CNBD1: variants seen among roughly 807,000 people sequenced by gnomAD.
The protein encoded by CNBD1 is cyclic nucleotide binding domain containing 1.
Under a neutral mutation model 54.4 loss-of-function variants are expected in CNBD1, and 71 were observed. The ratio of observed to expected loss-of-function variants is 1.30; its 90% CI spans 1.08 to 1.59. The LOEUF is 1.59. Ranked by LOEUF, CNBD1 falls within the 40% of genes most tolerant of loss-of-function variation. CNBD1 has a pLI of 0.00. For missense variants in CNBD1, 659 were observed against 518.0 expected (o/e 1.27, Z -2.64); for synonymous variants, 182 against 170.7 (o/e 1.07, Z -0.51).
chr8:87,217,938 C>T (rs1455577208), intron 5 of CNBD1, among the ~76,000 whole-genome samples: 6 of 151,932 alleles, frequency 3.9e-5, no homozygotes, highest in Non-Finnish European at 8.8e-5. Context: ...AGTAGAAGGG[C>T]GTTTCATAGC....
chr8:86,893,139 C>T (rs541995864), intron 2 of CNBD1, among the ~76,000 whole-genome samples: 22 of 152,198 alleles, frequency 1.4e-4, no homozygotes, highest in South Asian at 4.1e-4. Flanking sequence ...TTTGGGATGG[C>T]AGAAAATGTG....
At chr8:86,871,107 A>G (rs753203908) in intron 1 of CNBD1, among the ~76,000 whole-genome samples, 2 of 152,180 alleles carry the variant, frequency 1.3e-5, no homozygotes, top group Non-Finnish European at 2.9e-5. Flanking sequence ...TTGTCAAACC[A>G]TTTTGAGTGG....
chr8:87,237,018 C>T lies in CNBD1; in HGVS notation c.677C>T (p.Ser226Leu), dbSNP rs1184694350. Reference sequence around the variant, plus strand: ...ATTGAAGGAAGTGATTCACCAGACTCGTTCATATCTCAGAGTTTCCACAGC... The same window carrying T: ...ATTGAAGGAAGTGATTCACCAGACTTGTTCATATCTCAGAGTTTCCACAGC... ...NLIEGSDSPD[S>L]FISQSFHSFI... Residue 226 changes from serine to leucine, a missense_variant, in exon 6 of 11, where the codon TCG becomes TTG. Ser to Leu is a moderately radical substitution (Grantham distance 145). Coordinates refer to ENST00000518476, the MANE Select transcript of CNBD1 (RefSeq NM_173538.3). 4 of 1,611,666 alleles carry T rather than the reference C, an allele frequency of 2.5e-6. No individual in the cohort carries two copies. Among genetic ancestry groups the T allele is most frequent in the East Asian group, 2.2e-5 (1 of 44,818 alleles).
intron 2 of CNBD1, among the ~76,000 whole-genome samples, chr8:86,891,181 A>G (rs7818162): frequency 0.51 from 77,640 of 151,758 alleles, 20,022 homozygotes; most frequent in South Asian, 0.58. Context: ...ATGTCATGGA[A>G]CTTTTCCCCT....
intron 10 of CNBD1, among the ~76,000 whole-genome samples, chr8:87,380,268 C>T (rs1361115544): frequency 6.6e-6 from 1 of 151,838 alleles, no homozygotes; most frequent in African/African-American, 2.4e-5. Flanking sequence ...TAGAAATGGA[C>T]ATGATAATAC....
At chr8:86,909,937 C>T (rs1429702156) in intron 3 of CNBD1, among the ~76,000 whole-genome samples, 2 of 152,136 alleles carry the variant, frequency 1.3e-5, no homozygotes, top group East Asian at 3.8e-4. Context: ...TATTATATAG[C>T]AGGCACTGTG....
intron 4 of CNBD1, among the ~76,000 whole-genome samples, chr8:87,124,232 C>A (rs1245570726): frequency 6.6e-6 from 1 of 151,646 alleles, no homozygotes; most frequent in Non-Finnish European, 1.5e-5. Context: ...ACCTTGAGTT[C>A]AGTTTGAGAA....
intron 10 of CNBD1, among the ~76,000 whole-genome samples, chr8:87,377,320 A>G (rs1021004680): frequency 4.7e-5 from 6 of 127,054 alleles, no homozygotes; most frequent in African/African-American, 1.8e-4. Context: ...ACCCCACAAC[A>G]GTCCCCAGAG....
intron 4 of CNBD1, among the ~76,000 whole-genome samples, chr8:86,970,128 C>T (rs1247640237): frequency 6.6e-6 from 1 of 152,050 alleles, no homozygotes; most frequent in Non-Finnish European, 1.5e-5. Flanking sequence ...CAACTACAAA[C>T]TCAGTTATCA....
At chr8:87,063,652 A>G (rs1810588878) in intron 4 of CNBD1, among the ~76,000 whole-genome samples, 1 of 152,052 alleles carries the variant, frequency 6.6e-6, no homozygotes, top group Non-Finnish European at 1.5e-5. Flanking sequence ...TTTGAGGGGA[A>G]TATTTGGGAT....
intron 4 of CNBD1, among the ~76,000 whole-genome samples, chr8:86,971,131 G>A (rs558362905): frequency 1.6e-4 from 24 of 152,192 alleles, no homozygotes; most frequent in African/African-American, 4.8e-4. Flanking sequence ...CTGAGACTGG[G>A]CAACTTATAA....
intron 4 of CNBD1, among the ~76,000 whole-genome samples, chr8:86,962,404 T>G (rs1293249618): frequency 6.6e-6 from 1 of 152,156 alleles, no homozygotes; most frequent in Non-Finnish European, 1.5e-5. Context: ...TTTCCTGACT[T>G]TAGCCATGCC....
At chr8:86,938,262 T>A (rs931078336) in intron 3 of CNBD1, among the ~76,000 whole-genome samples, 1 of 152,198 alleles carries the variant, frequency 6.6e-6, no homozygotes. Flanking sequence ...AGCATTTTGC[T>A]CAAAGCCATT....
At position 86,924,614 on chromosome 8, in the gene CNBD1, C is replaced by CAGG. The variant is rs538237141; in HGVS notation, c.273-14979_273-14977dup. On this transcript the variant is annotated intron_variant, in intron 3 of 10. Coordinates refer to ENST00000518476, the MANE Select transcript of CNBD1 (RefSeq NM_173538.3). ...AGACAATGAATATTTTTTTGCCTGA[C>CAGG]AGGAGTTCAACAAATGTTTCTGAAT... is the stretch of plus-strand genomic sequence containing the variant. Among the ~76,000 whole-genome samples, 793 of 152,158 alleles carry CAGG rather than the reference C, an allele frequency of 5.2e-3. 9 individuals carry two copies. The highest frequency in any genetic ancestry group is 0.018 in the African/African-American group (742 of 41,514).
chr8:87,373,291 A>T (rs898563491), intron 10 of CNBD1, among the ~76,000 whole-genome samples: 4 of 151,826 alleles, frequency 2.6e-5, no homozygotes, highest in Admixed American at 6.6e-5. Context: ...TAGCGGTATT[A>T]GTTTAATGGT....
Position 87,370,347 on chromosome 8 carries a change from G to C in CNBD1, c.1304-12273G>C, listed in dbSNP as rs146319826. On this transcript the variant is annotated intron_variant, in intron 10 of 10. Transcript: ENST00000518476. ...GAATTAGTTTACAGTCCCATCAACA[G>C]TGTAAAAGTGTTCCTATTTCTCCAC... Among the ~76,000 whole-genome samples, 830 of 152,280 alleles carry C rather than the reference G, an allele frequency of 5.5e-3. 6 individuals carry two copies. Among genetic ancestry groups the C allele is most frequent in the African/African-American group, 0.019 (785 of 41,564 alleles).
At chr8:87,418,559 G>T (rs1807874187) in intron 2 of CNBD1, among the ~76,000 whole-genome samples, 1 of 151,856 alleles carries the variant, frequency 6.6e-6, no homozygotes, top group South Asian at 2.1e-4. Flanking sequence ...ACACTATCAA[G>T]AAAGTGAAAA....
chr8:86,915,533 C>T (rs1809170448), intron 3 of CNBD1, among the ~76,000 whole-genome samples: 1 of 152,140 alleles, frequency 6.6e-6, no homozygotes, highest in Admixed American at 6.5e-5. Flanking sequence ...GTTAGCTCGG[C>T]CCATGCCCAG....
At chr8:87,114,269 T>C (rs1811725983) in intron 4 of CNBD1, among the ~76,000 whole-genome samples, 2 of 152,234 alleles carry the variant, frequency 1.3e-5, no homozygotes, top group Non-Finnish European at 2.9e-5. Flanking sequence ...AGTGATTCAG[T>C]AAATTACATT....
Sources: allele counts gnomAD v4.1 joint callset (sites outside exome capture counted in the v4.1 genomes callset), GRCh38; gene constraint gnomAD v4.1.1; transcripts MANE v1.5; gene names NCBI Gene and HGNC (gene_info 2026-07-23, HGNC 2026-07-21).